DDRGK1: variants seen among roughly 807,000 people sequenced by gnomAD.
DDRGK1 encodes DDRGK domain containing 1.
Under a neutral mutation model 45.8 loss-of-function variants are expected in DDRGK1, and 38 were observed. The ratio of observed to expected loss-of-function variants is 0.83; its 90% CI spans 0.64 to 1.09. DDRGK1 has a LOEUF of 1.09. Ranked by LOEUF, DDRGK1 falls within the 50% of genes least tolerant of loss-of-function variation. The pLI, the probability that DDRGK1 is intolerant of heterozygous loss-of-function variation, is 0.00. For synonymous variants in DDRGK1, 171 were observed against 168.7 expected (o/e 1.01, Z -0.11); for missense variants, 403 against 419.9 (o/e 0.96, Z 0.35).
At chr20:3,198,882 C>T (rs2067023739) in intron 4 of DDRGK1, among the ~76,000 whole-genome samples, 1 of 147,812 alleles carries the variant, frequency 6.8e-6, no homozygotes, top group Admixed American at 6.8e-5. Context: ...TGGCTCACAC[C>T]TGTAATCCCA....
chr20:3,199,950 G>C (rs1275806672), intron 4 of DDRGK1, 51 bp downstream of exon 4: 1 of 1,514,056 alleles, frequency 6.6e-7, no homozygotes, highest in Admixed American at 2.1e-5. Flanking sequence ...TAAGAAGCAA[G>C]GCTGCCTTGC....
At chr20:3,196,878 G>C (rs2067013281) in intron 4 of DDRGK1, among the ~76,000 whole-genome samples, 1 of 151,424 alleles carries the variant, frequency 6.6e-6, no homozygotes, top group Non-Finnish European at 1.5e-5. Flanking sequence ...TAACGTTACT[G>C]GATTATAACA....
At chr20:3,194,768 C>G in intron 6 of DDRGK1, 62 bp downstream of exon 6, 3 of 1,608,744 alleles carry the variant, frequency 1.9e-6, no homozygotes, top group Non-Finnish European at 2.6e-6. Context: ...CCGCTGGAGG[C>G]ATCCAACCTG....
chr20:3,199,611 T>C (rs971795199), intron 4 of DDRGK1, among the ~76,000 whole-genome samples: 5 of 152,178 alleles, frequency 3.3e-5, no homozygotes, highest in Admixed American at 2.0e-4. Flanking sequence ...CTGAGCACCT[T>C]CTGTATGCCA....
chr20:3,204,601 T>A lies in DDRGK1; in HGVS notation c.27A>T (p.Val9=). Residue 9 remains valine (V), a synonymous_variant, in exon 1 of 9, where the codon GTA becomes GTT. Coordinates refer to ENST00000354488, the MANE Select transcript of DDRGK1 (RefSeq NM_023935.3). Reference sequence around the variant, plus strand: ...TAAAGCCGACTAGCAGAGCCGCCGCTACCAAGTACCACACAGGCGCCACCA... The same window carrying A: ...TAAAGCCGACTAGCAGAGCCGCCGCAACCAAGTACCACACAGGCGCCACCA... MVAPVWYL[V]AAALLVGFIL... The A allele has an allele frequency of 6.3e-7, 1 of 1,590,096 alleles. No homozygotes were observed. Among genetic ancestry groups the A allele is most frequent in the East Asian group, 2.3e-5 (1 of 44,132 alleles).
Position 3,204,555 on chromosome 20 carries a change from G to A in DDRGK1, c.73C>T (p.Arg25Trp), listed in dbSNP as rs2067057590. ...CTCCTACCTGATGCCGCCCGGCCCC[G>A]GCTGCGAGTCAGGAAGAGGATAAAG... ...VGFILFLTRSRGRAASAGQEP... is the reference protein window; with the variant it reads ...VGFILFLTRSWGRAASAGQEP... The change falls in exon 1 of 9, where the codon CGG (arginine) becomes TGG (tryptophan). Residue 25 changes from arginine (R) to tryptophan (W), a missense_variant. By Grantham distance (101) the Arg-to-Trp change is moderately radical. Transcript: ENST00000354488. 1 of 1,573,490 alleles carries A rather than the reference G, an allele frequency of 6.4e-7. No individual in the cohort carries two copies. Among genetic ancestry groups the A allele is most frequent in the Non-Finnish European group, 8.6e-7 (1 of 1,165,952 alleles).
intron 1 of DDRGK1, among the ~76,000 whole-genome samples, chr20:3,203,672 G>A (rs1280263795): frequency 6.6e-6 from 1 of 152,220 alleles, no homozygotes. Flanking sequence ...CAGCTGGCCT[G>A]TCAGGAGGCC....
Position 3,190,575 on chromosome 20 carries a change from C to G in DDRGK1, c.*78G>C. 1.3e-6 allele frequency: 2 copies of G among 1,545,484 alleles called. No individual in the cohort carries two copies. The highest frequency in any genetic ancestry group is 1.2e-5 in the South Asian group (1 of 85,248). ...ACTGCCTGGCCACACCATCACTTCC[C>G]CAGGATGGTGGGGAGGGATGAAGAT... On this transcript the variant is annotated 3_prime_UTR_variant, in exon 9 of 9. Coordinates refer to ENST00000354488, the MANE Select transcript of DDRGK1 (RefSeq NM_023935.3).
At chr20:3,201,662 GT>G (rs534690324) in intron 2 of DDRGK1, among the ~76,000 whole-genome samples, 67 of 143,020 alleles carry the variant, frequency 4.7e-4, no homozygotes, top group South Asian at 1.4e-3. Context: ...GTTTTTTTTG[GT>G]TTTTTTTTTT....
At chr20:3,191,970 CT>C (rs1402501060) in intron 6 of DDRGK1, 149 bp from the exon 7 acceptor site, 1 of 604,158 alleles carries the variant, frequency 1.7e-6, no homozygotes, top group African/African-American at 2.4e-5. Context: ...CCTTGCTCCC[CT>C]GACACACACA....
chr20:3,196,668 G>A (rs1286075843), intron 4 of DDRGK1, among the ~76,000 whole-genome samples: 3 of 152,118 alleles, frequency 2.0e-5, no homozygotes, highest in South Asian at 4.1e-4. Flanking sequence ...GGGACAGAGC[G>A]AGACTCCATC....
intron 4 of DDRGK1, among the ~76,000 whole-genome samples, chr20:3,196,481 T>G (rs979071506): frequency 3.3e-5 from 5 of 150,298 alleles, no homozygotes; most frequent in Non-Finnish European, 7.4e-5. Context: ...ATCGAGACCA[T>G]CCTGGCTAAC....
At chr20:3,198,760 C>A (rs1226302202) in intron 4 of DDRGK1, among the ~76,000 whole-genome samples, 3 of 133,036 alleles carry the variant, frequency 2.3e-5, no homozygotes, top group African/African-American at 8.8e-5. Context: ...CACAGAAGAG[C>A]CTAAGGAGAC....
At chr20:3,196,542 G>T (rs6051634) in intron 4 of DDRGK1, among the ~76,000 whole-genome samples, 2 of 147,708 alleles carry the variant, frequency 1.4e-5, no homozygotes, top group African/African-American at 2.5e-5. Flanking sequence ...TTAGCCGGGC[G>T]TGGTGGTGGG....
intron 2 of DDRGK1, among the ~76,000 whole-genome samples, chr20:3,201,906 C>A (rs1241734452): frequency 6.6e-6 from 1 of 152,064 alleles, no homozygotes; most frequent in Non-Finnish European, 1.5e-5. Context: ...TCGTGATCCA[C>A]CCGCCTCGGC....
intron 4 of DDRGK1, among the ~76,000 whole-genome samples, chr20:3,199,501 TC>T (rs2122237983): frequency 6.6e-6 from 1 of 152,274 alleles, no homozygotes; most frequent in East Asian, 1.9e-4. Context: ...GTACCCCACA[TC>T]TTTATGGTGT....
intron 4 of DDRGK1, among the ~76,000 whole-genome samples, chr20:3,197,700 T>A (rs2067017618): frequency 6.7e-6 from 1 of 148,974 alleles, no homozygotes; most frequent in African/African-American, 2.5e-5. Context: ...GAGGCTGAGG[T>A]GGGTGGATCA....
chr20:3,194,964 C>T, intron 5 of DDRGK1, 96 bp from the exon 6 acceptor site: 3 of 1,516,280 alleles, frequency 2.0e-6, no homozygotes, highest in South Asian at 1.2e-5. Flanking sequence ...TTGAGGGCCA[C>T]CTGCCTGCAG....
chr20:3,200,196 G>T, intron 3 of DDRGK1, 94 bp from the exon 4 acceptor site: 1 of 1,499,824 alleles, frequency 6.7e-7, no homozygotes, highest in Non-Finnish European at 9.0e-7. Context: ...CCTGGGCCAG[G>T]GCACAGACCC....
Sources: gnomAD v4.1 joint callset for allele counts (sites outside exome capture counted in the v4.1 genomes callset) on GRCh38, gnomAD v4.1.1 for gene constraint, MANE v1.5 for transcripts, NCBI Gene and HGNC (gene_info 2026-07-23, HGNC 2026-07-21) for gene names.